The following TNNI3K variants were observed in gnomAD, a reference collection of about 807,000 sequenced individuals.
The protein encoded by TNNI3K is TNNI3 interacting kinase.
TNNI3K carries 140 observed loss-of-function variants against 114.5 expected under a neutral mutation model. The ratio of observed to expected loss-of-function variants is 1.22; its 90% CI spans 1.07 to 1.41. The LOEUF (loss-of-function observed/expected upper bound fraction) is 1.41, where lower values mean the gene tolerates loss of function less well. TNNI3K is among the 40% of genes most tolerant of loss of function. TNNI3K has a pLI of 0.00. For missense variants in TNNI3K, 1,125 were observed against 1,007.6 expected, an observed-to-expected ratio of 1.12 and a Z score of -1.58; for synonymous variants, 347 against 347.5, an observed-to-expected ratio of 1.00 and a Z score of 0.02.
chr1:74,537,222 A>C (rs909582244), intron 23 of TNNI3K, among the ~76,000 whole-genome samples: 1 of 152,226 alleles, frequency 6.6e-6, no homozygotes, highest in Non-Finnish European at 1.5e-5. Context: ...TTGTGTTGCC[A>C]AGACTACTTT....
chr1:74,376,735 C>G (rs1024289186), intron 17 of TNNI3K: 1 of 151,662 alleles, frequency 6.6e-6, no homozygotes, highest in African/African-American at 2.4e-5. Context: ...GTGAGAAGGA[C>G]AGATCATAAC....
At chr1:74,374,573 A>C (rs1468152427) in intron 17 of TNNI3K, 1 of 151,924 alleles carries the variant, frequency 6.6e-6, no homozygotes, top group African/African-American at 2.4e-5. Flanking sequence ...TTAATCTTTT[A>C]AAAAGTCAAT....
chr1:74,535,294 G>A (rs1401125750), intron 23 of TNNI3K, among the ~76,000 whole-genome samples: 1 of 151,888 alleles, frequency 6.6e-6, no homozygotes, highest in East Asian at 1.9e-4. Context: ...ACATGATGAA[G>A]CCCCATCTCT....
chr1:74,445,226 T>C (rs1396874160), intron 20 of TNNI3K, among the ~76,000 whole-genome samples: 2 of 151,740 alleles, frequency 1.3e-5, no homozygotes, highest in South Asian at 2.1e-4. Flanking sequence ...TCTTTCTTTT[T>C]TTTTTTATTA....
At chr1:74,431,987 G>T (rs2100655233) in intron 17 of TNNI3K, among the ~76,000 whole-genome samples, 1 of 152,196 alleles carries the variant, frequency 6.6e-6, no homozygotes, top group Non-Finnish European at 1.5e-5. Context: ...TACCAAACTT[G>T]CTGTTATCTA....
intron 23 of TNNI3K, among the ~76,000 whole-genome samples, chr1:74,510,580 C>T (rs1395968642): frequency 6.6e-6 from 1 of 152,158 alleles, no homozygotes; most frequent in Non-Finnish European, 1.5e-5. Flanking sequence ...AATTATTGCT[C>T]ATTAAATTAA....
intron 20 of TNNI3K, among the ~76,000 whole-genome samples, chr1:74,449,311 C>G (rs1256225065): frequency 6.6e-6 from 1 of 150,714 alleles, no homozygotes; most frequent in Non-Finnish European, 1.5e-5. Context: ...GTGGTGATAT[C>G]CCCTTTATCA....
At chr1:74,341,862 A>G (rs1441025160) in intron 7 of TNNI3K, 2 of 152,196 alleles carry the variant, frequency 1.3e-5, no homozygotes, top group Admixed American at 6.5e-5. Context: ...GGATGGAGCT[A>G]CTGCCACCAC....
intron 23 of TNNI3K, among the ~76,000 whole-genome samples, chr1:74,504,230 T>A (rs1420576577): frequency 6.6e-6 from 1 of 152,214 alleles, no homozygotes; most frequent in African/African-American, 2.4e-5. Flanking sequence ...TGATGAAAGG[T>A]GATAGGGCTC....
chr1:74,288,354 C>T (rs926091200), intron 5 of TNNI3K, among the ~76,000 whole-genome samples: 3 of 152,050 alleles, frequency 2.0e-5, no homozygotes, highest in African/African-American at 7.2e-5. Flanking sequence ...ACCAATCAAC[C>T]TAAGTGTCCA....
intron 17 of TNNI3K, among the ~76,000 whole-genome samples, chr1:74,382,817 G>A (rs1210728866): frequency 2.0e-5 from 3 of 152,276 alleles, no homozygotes; most frequent in Middle Eastern, 3.4e-3. Flanking sequence ...CGTTGATGAT[G>A]TCTGCCTTCT....
chr1:74,483,360 AGTAC>A (rs763269091), intron 21 of TNNI3K: 2 of 717,210 alleles, frequency 2.8e-6, no homozygotes. Context: ...GATGGCAAAG[AGTAC>A]CAGCCATCCA....
At chr1:74,295,791 A>G (rs555557198) in intron 5 of TNNI3K, among the ~76,000 whole-genome samples, 1 of 152,156 alleles carries the variant, frequency 6.6e-6, no homozygotes, top group Non-Finnish European at 1.5e-5. Context: ...AAAATTTGAG[A>G]CTAATAATAT....
At chr1:74,320,647 A>G (rs1024688580) in intron 5 of TNNI3K, among the ~76,000 whole-genome samples, 1 of 152,140 alleles carries the variant, frequency 6.6e-6, no homozygotes, top group African/African-American at 2.4e-5. Flanking sequence ...TTTGTTTTAT[A>G]TTCCAGCTGC....
intron 5 of TNNI3K, among the ~76,000 whole-genome samples, chr1:74,277,824 A>T (rs964111933): frequency 2.6e-5 from 4 of 152,182 alleles, no homozygotes; most frequent in African/African-American, 9.6e-5. Context: ...ACACCTTGTG[A>T]AGGTGAGCGT....
chr1:74,247,849 C>A (rs964905278), intron 2 of TNNI3K, among the ~76,000 whole-genome samples: 3 of 152,300 alleles, frequency 2.0e-5, no homozygotes, highest in African/African-American at 7.2e-5. Context: ...CTAGTAGATC[C>A]CACGCAGGGG....
rs572171972 is a variant in TNNI3K, at chr1:74,523,273, G to A, written c.2352-16961G>A. On this transcript the variant is annotated intron_variant, in intron 23 of 24. Transcript: ENST00000326637. ...TATGATTTCAAAAAACACATCTATAGACATTATCTCACTTGATACCTCATA... is the reference window on the plus strand; with the variant it reads ...TATGATTTCAAAAAACACATCTATAAACATTATCTCACTTGATACCTCATA... Among the ~76,000 whole-genome samples, 32 of 152,110 alleles carry A rather than the reference G, an allele frequency of 2.1e-4. 1 individual carries two copies. Among genetic ancestry groups the A allele is most frequent in the Non-Finnish European group, 4.3e-4 (29 of 68,016 alleles).
intron 20 of TNNI3K, among the ~76,000 whole-genome samples, chr1:74,442,906 A>T (rs978630503): frequency 4.6e-5 from 7 of 151,224 alleles, no homozygotes; most frequent in Admixed American, 3.9e-4. Flanking sequence ...CTGCTTCTGA[A>T]TGAATCCTGA....
chr1:74,337,581 C>G (rs994422976), intron 7 of TNNI3K, among the ~76,000 whole-genome samples: 1 of 152,058 alleles, frequency 6.6e-6, no homozygotes, highest in Non-Finnish European at 1.5e-5. Context: ...TTACTTCTAG[C>G]AAATTCTGAA....
Sources: gnomAD v4.1 joint callset for allele counts (sites outside exome capture counted in the v4.1 genomes callset) on GRCh38, gnomAD v4.1.1 for gene constraint, MANE v1.5 for transcripts, NCBI Gene and HGNC (gene_info 2026-07-23, HGNC 2026-07-21) for gene names.